CALB2: variants seen among roughly 807,000 people sequenced by gnomAD.
CALB2 encodes the protein calbindin 2, also known as calretinin.
A neutral mutation model predicts 45.9 loss-of-function variants in CALB2; 34 were observed. The ratio of observed to expected loss-of-function variants is 0.74; its 90% CI spans 0.56 to 0.99. CALB2 has a LOEUF of 0.99. Ranked by LOEUF, CALB2 falls within the 50% of genes least tolerant of loss-of-function variation. The pLI, the probability that CALB2 is intolerant of heterozygous loss-of-function variation, is 0.00. For missense variants in CALB2, 344 were observed against 339.3 expected, an observed-to-expected ratio of 1.01 and a Z score of -0.11; for synonymous variants, 142 against 129.6, an observed-to-expected ratio of 1.10 and a Z score of -0.65.
At chr16:71,374,602 A>C in intron 2 of CALB2, 143 bp from the exon 3 acceptor site, 1 of 588,072 alleles carries the variant, frequency 1.7e-6, no homozygotes, top group South Asian at 2.0e-5. Context: ...AAAACAACAC[A>C]GCTCTGATCA....
Position 71,358,866 on chromosome 16 carries a change from G to A in CALB2, c.74G>A (p.Trp25Ter). The change falls in exon 1 of 11, where the codon TGG becomes TAG. Residue 25 changes from tryptophan to a stop codon, truncating the protein, a stop_gained. Coordinates refer to ENST00000302628, the MANE Select transcript of CALB2 (RefSeq NM_001740.5). LOFTEE classifies it high-confidence loss of function. ...ELTASQFLEI[W>*]KHFDADGNGY... ...ACGGCGTCCCAGTTCCTGGAAATAT[G>A]GAAGCACTTTGACGCAGACGGTCAG... is the stretch of plus-strand genomic sequence containing the variant. The A allele has an allele frequency of 6.2e-7, 1 of 1,613,360 alleles. No homozygotes were observed. The highest frequency in any genetic ancestry group is 1.7e-4 in the Middle Eastern group (1 of 6,060).
intron 10 of CALB2, among the ~76,000 whole-genome samples, chr16:71,387,453 G>A (rs886567779): frequency 6.6e-6 from 1 of 151,448 alleles, no homozygotes; most frequent in Admixed American, 6.6e-5. Flanking sequence ...GTGCTGGAAC[G>A]GAAGGGCCTT....
chr16:71,382,698 T>C, intron 4 of CALB2, 21 bp from the exon 5 acceptor site: 2 of 1,608,628 alleles, frequency 1.2e-6, no homozygotes, highest in Non-Finnish European at 1.7e-6. Context: ...TGCAAAGAGG[T>C]TGACATTCCT....
chr16:71,369,916 G>A (rs1364171037), intron 1 of CALB2, among the ~76,000 whole-genome samples: 3 of 152,112 alleles, frequency 2.0e-5, no homozygotes, highest in Admixed American at 2.0e-4. Context: ...TCAACTAGAC[G>A]ATGTCTTTTT....
At chr16:71,383,041 C>T (rs759662297) in intron 5 of CALB2, among the ~76,000 whole-genome samples, 4 of 152,188 alleles carry the variant, frequency 2.6e-5, no homozygotes, top group Non-Finnish European at 5.9e-5. Context: ...GAAGATTGGC[C>T]TCTGGCTCCT....
chr16:71,362,635 G>A (rs900912953), intron 1 of CALB2, among the ~76,000 whole-genome samples: 11 of 152,194 alleles, frequency 7.2e-5, no homozygotes, highest in Non-Finnish European at 2.9e-5. Flanking sequence ...ATGGAAAAAT[G>A]TCCAAGATGT....
rs556911213 is a variant in CALB2, at chr16:71,366,956, A to G, written c.95-5197A>G. Among the ~76,000 whole-genome samples the G allele has an allele frequency of 2.0e-5, 3 of 152,072 alleles. No individual in the cohort carries two copies. In the South Asian group the frequency reaches 6.2e-4, roughly 32 times the overall value. ...CAGGCGGTAGAATTATTAATATTAT[A>G]CCTCTTACTCAGGTACCTCTTACCT... On this transcript the variant is annotated intron_variant, in intron 1 of 10. Coordinates refer to ENST00000302628, the MANE Select transcript of CALB2 (RefSeq NM_001740.5).
intron 2 of CALB2, among the ~76,000 whole-genome samples, chr16:71,374,197 TG>T (rs1273637827): frequency 2.6e-5 from 4 of 152,254 alleles, no homozygotes; most frequent in Non-Finnish European, 5.9e-5. Flanking sequence ...TTGGGTGGAC[TG>T]TTTAAATTAC....
chr16:71,366,020 C>CTTTTTTTTTTTT (rs2042281945), intron 1 of CALB2, among the ~76,000 whole-genome samples: 3 of 28,854 alleles, frequency 1.0e-4, no homozygotes, highest in Non-Finnish European at 2.2e-4. Flanking sequence ...TTCCCTCTCT[C>CTTTTTTTTTTTT]TCTCTTTTTT....
At chr16:71,379,271 TAATAAATAAATAAATAAATAAATA>T (rs71153630) in intron 4 of CALB2, among the ~76,000 whole-genome samples, 8 of 145,494 alleles carry the variant, frequency 5.5e-5, no homozygotes, top group Non-Finnish European at 3.0e-5. Flanking sequence ...AGACTCTGTC[TAATAAATAAATAAATAAATAAATA>T]AATAAATAAA....
intron 3 of CALB2, among the ~76,000 whole-genome samples, chr16:71,376,524 T>C (rs550361714): frequency 6.6e-6 from 1 of 151,872 alleles, no homozygotes; most frequent in Non-Finnish European, 1.5e-5. Flanking sequence ...TACATCCACA[T>C]ACAACCACAT....
intron 6 of CALB2, 123 bp downstream of exon 6, chr16:71,383,567 TGGCAGCTGGC>T: frequency 1.2e-6 from 1 of 836,140 alleles, no homozygotes. Flanking sequence ...TGATTCACAG[TGGCAGCTGGC>T]AAAAAGGGAT....
chr16:71,380,292 CTTTTTTTTTTTTTTTTTTT>C (rs544138378), intron 4 of CALB2, among the ~76,000 whole-genome samples: 484 of 43,828 alleles, frequency 0.011, 15 homozygotes, highest in South Asian at 0.059. Flanking sequence ...CCTTCCTTTT[CTTTTTTTTTTTTTTTTTTT>C]TTTTTTTTTT....
chr16:71,380,513 G>T (rs2042478805), intron 4 of CALB2, among the ~76,000 whole-genome samples: 1 of 151,598 alleles, frequency 6.6e-6, no homozygotes, highest in Admixed American at 6.6e-5. Context: ...TCTCCATGCT[G>T]GTCAGGCTGG....
intron 1 of CALB2, among the ~76,000 whole-genome samples, chr16:71,366,344 TGA>T (rs35584668): frequency 0.24 from 9,296 of 38,514 alleles, 2,609 homozygotes; most frequent in African/African-American, 0.36. Flanking sequence ...TTTTTTTTTT[TGA>T]GAGAGAGAGA....
chr16:71,369,778 C>CGAG (rs10665111), intron 1 of CALB2, among the ~76,000 whole-genome samples: 125,558 of 151,944 alleles, frequency 0.83, 52,137 homozygotes, highest in Admixed American at 0.89. Flanking sequence ...ACAAAGCCTC[C>CGAG]GAGAAGAATG....
intron 10 of CALB2, among the ~76,000 whole-genome samples, chr16:71,388,573 A>G (rs922216036): frequency 1.3e-5 from 2 of 152,168 alleles, no homozygotes; most frequent in Non-Finnish European, 2.9e-5. Flanking sequence ...ATATGAGACA[A>G]TGGGCATATG....
Position 71,383,833 on chromosome 16 carries a change from G to C in CALB2, c.478-137G>C, listed in dbSNP as rs1598174837. ...CCCGTGACTGATTTAGCCCATGTTG[G>C]TTCTTGGCCCCTACGGACCTCAGAG... is the stretch of plus-strand genomic sequence containing the variant. On this transcript the variant is annotated intron_variant, in intron 6 of 10. Transcript: ENST00000302628. 4.1e-6 allele frequency: 4 copies of C among 979,582 alleles called. No homozygotes were observed. The East Asian group carries it at 7.1e-5, about 17-fold the overall frequency. 60.7% of individuals were successfully genotyped at this position (979,582 alleles called of 1,614,324 possible).
chr16:71,381,586 G>A (rs760388313), intron 4 of CALB2, among the ~76,000 whole-genome samples: 2 of 152,162 alleles, frequency 1.3e-5, no homozygotes, highest in Non-Finnish European at 1.5e-5. Flanking sequence ...GAGAAGTGGG[G>A]GGAGGCAGGG....
Sources: gnomAD v4.1 joint callset for allele counts (sites outside exome capture counted in the v4.1 genomes callset) on GRCh38, gnomAD v4.1.1 for gene constraint, MANE v1.5 for transcripts, NCBI Gene and HGNC (gene_info 2026-07-23, HGNC 2026-07-21) for gene names.